Variants in PIP5K1C observed in about 807,000 individuals in gnomAD.
PIP5K1C encodes phosphatidylinositol 4-phosphate 5-kinase type-1 gamma.
PIP5K1C carries 45 observed loss-of-function variants against 80.1 expected under a neutral mutation model. The observed-to-expected ratio is 0.56, with a 90% confidence interval of 0.44 to 0.72. PIP5K1C has a LOEUF of 0.72. Ranked by LOEUF, PIP5K1C falls within the 30% of genes least tolerant of loss-of-function variation. PIP5K1C has a pLI of 0.00. For missense variants in PIP5K1C, 753 were observed against 954.6 expected, an observed-to-expected ratio of 0.79 and a Z score of 2.78; for synonymous variants, 498 against 420.1, an observed-to-expected ratio of 1.19 and a Z score of -2.27.
intron 1 of PIP5K1C, among the ~76,000 whole-genome samples, chr19:3,677,264 G>C (rs2035389334): frequency 6.6e-6 from 1 of 152,020 alleles, no homozygotes. Flanking sequence ...AAAGAGAAAG[G>C]AATGAAGACT....
intron 5 of PIP5K1C, among the ~76,000 whole-genome samples, chr19:3,656,916 T>A (rs1159833077): frequency 6.6e-6 from 1 of 152,220 alleles, no homozygotes. Flanking sequence ...CTCTGCCCCA[T>A]GAGTCATAAG....
rs1049907741 is a variant in PIP5K1C, at chr19:3,648,959, C to A, written c.1128-251G>T. 5.9e-5 allele frequency among the ~76,000 whole-genome samples: 9 copies of A among 152,162 alleles called. No homozygotes were observed. On this transcript the variant is annotated intron_variant, in intron 8 of 17. Transcript: ENST00000335312. This position sits in a 1 kb window ranked among gnomAD's most constrained non-coding sequence, Gnocchi z 4.3. ...GGCCTGGGCACATACCCCCTACACACACGTGTGCCTGGACACACACATGCA... is the reference window on the plus strand; with the variant it reads ...GGCCTGGGCACATACCCCCTACACAAACGTGTGCCTGGACACACACATGCA...
chr19:3,643,179 T>C (rs1429393689), intron 13 of PIP5K1C, 64 bp downstream of exon 13: 14 of 1,604,070 alleles, frequency 8.7e-6, no homozygotes, highest in African/African-American at 2.7e-5. Context: ...CCACATGCAG[T>C]GAATGCCCCG....
chr19:3,664,974 A>G (rs1441525221), intron 2 of PIP5K1C, 60 bp from the exon 3 acceptor site: 10 of 1,317,602 alleles, frequency 7.6e-6, no homozygotes, highest in Non-Finnish European at 1.1e-5. Context: ...GGGACAGGGC[A>G]CGCTCTGAAA....
At chr19:3,664,157 G>A (rs766102885) in intron 3 of PIP5K1C, among the ~76,000 whole-genome samples, 4 of 152,194 alleles carry the variant, frequency 2.6e-5, no homozygotes, top group African/African-American at 4.8e-5. Context: ...TCTATGACAC[G>A]TCCAGGACAG....
Position 3,633,034 on chromosome 19 carries a change from G to T in PIP5K1C, c.*133C>A. ...GGCCCGGCCGTCGGCATCCGTGCAGGGGGAGGACGAGGTCCGGTGGGGCGG... is the reference window on the plus strand; with the variant it reads ...GGCCCGGCCGTCGGCATCCGTGCAGTGGGAGGACGAGGTCCGGTGGGGCGG... On this transcript the variant is annotated 3_prime_UTR_variant, in exon 18 of 18. Coordinates refer to ENST00000335312, the MANE Select transcript of PIP5K1C (RefSeq NM_012398.3). 4.6e-6 allele frequency: 3 copies of T among 646,612 alleles called. No homozygotes were observed. The highest frequency in any genetic ancestry group is 5.7e-6 in the Non-Finnish European group (2 of 350,402). The allele number at this position is 646,612 out of a possible 1,614,324, so 40.1% of individuals were successfully genotyped here.
At chr19:3,687,523 A>G (rs574090667) in intron 1 of PIP5K1C, among the ~76,000 whole-genome samples, 33 of 132,496 alleles carry the variant, frequency 2.5e-4, no homozygotes, top group African/African-American at 9.6e-4. Context: ...ACATGCACAC[A>G]TGCACACGCA....
Position 3,637,896 on chromosome 19 carries a change from A to T in PIP5K1C, c.1920+988T>A. 1 of 1,535,238 alleles carries T rather than the reference A, an allele frequency of 6.5e-7. No individual in the cohort carries two copies. Among genetic ancestry groups the T allele is most frequent in the Non-Finnish European group, 8.7e-7 (1 of 1,146,648 alleles). On this transcript the variant is annotated intron_variant, in intron 16 of 17. Transcript: ENST00000335312. This position sits in a 1 kb window ranked among gnomAD's most constrained non-coding sequence, Gnocchi z 7.0. The stretch of plus-strand genomic sequence containing the variant: ...CATCCGGAGACCAGGACGCGCACAA[A>T]CCAGTCCCAGGAAAAGGGGTGACGA...
chr19:3,679,655 A>G (rs2035525724), intron 1 of PIP5K1C, among the ~76,000 whole-genome samples: 1 of 152,020 alleles, frequency 6.6e-6, no homozygotes, highest in Non-Finnish European at 1.5e-5. Flanking sequence ...TCAGCTGTGG[A>G]GGGGGAGCAC....
intron 1 of PIP5K1C, among the ~76,000 whole-genome samples, chr19:3,697,469 G>A (rs746265604): frequency 1.4e-4 from 22 of 152,048 alleles, no homozygotes; most frequent in African/African-American, 4.8e-4. Flanking sequence ...GACCGAGGAG[G>A]ACCGAGCTGG....
At chr19:3,693,014 T>A (rs2035991611) in intron 1 of PIP5K1C, among the ~76,000 whole-genome samples, 1 of 151,852 alleles carries the variant, frequency 6.6e-6, no homozygotes, top group Admixed American at 6.6e-5. Flanking sequence ...CTCTCTCCCC[T>A]CCTCTGCTCG....
intron 6 of PIP5K1C, among the ~76,000 whole-genome samples, chr19:3,654,372 G>A (rs923728644): frequency 8.5e-5 from 13 of 152,220 alleles, no homozygotes; most frequent in East Asian, 1.9e-4. Context: ...CCCAGGTGTC[G>A]GGGCTGAGAC....
At chr19:3,687,506 T>TGCACACGCACACACAC (rs1373436402) in intron 1 of PIP5K1C, among the ~76,000 whole-genome samples, 3 of 149,744 alleles carry the variant, frequency 2.0e-5, no homozygotes, top group Non-Finnish European at 3.0e-5. Flanking sequence ...CACGCACACA[T>TGCACACGCACACACAC]GCACATACAT....
At chr19:3,647,471 C>G in intron 9 of PIP5K1C, 85 bp from the exon 10 acceptor site, 1 of 1,166,008 alleles carries the variant, frequency 8.6e-7, no homozygotes, top group South Asian at 1.3e-5. Context: ...GTGCACCCCC[C>G]AGGACACTGG....
intron 1 of PIP5K1C, among the ~76,000 whole-genome samples, chr19:3,669,477 C>T (rs936811514): frequency 6.6e-6 from 1 of 152,212 alleles, no homozygotes; most frequent in East Asian, 1.9e-4. Flanking sequence ...GGGGACCCGG[C>T]TGGGTGTGGA....
rs1011565215 is a variant in PIP5K1C at position 3,653,737 on chromosome 19, T to C, written c.622-148A>G. On this transcript the variant is annotated intron_variant, in intron 6 of 17. Coordinates refer to ENST00000335312, the MANE Select transcript of PIP5K1C (RefSeq NM_012398.3). ...GAAGCCCTCGGGGACCCCGTTCCTA[T>C]GCAGGCACCCAGCTGGCCTTCCCAC... The C allele has an allele frequency of 8.5e-6, 6 of 703,422 alleles. No homozygotes were observed. In the Admixed American group the frequency reaches 1.2e-4, roughly 14 times the overall value. The allele number at this position is 703,422 out of a possible 1,614,324, so 43.6% of individuals were successfully genotyped here.
In PIP5K1C at chr19:3,680,430, G is replaced by A. The variant is rs371833451; in HGVS notation, c.95-13077C>T. On this transcript the variant is annotated intron_variant, in intron 1 of 17. Coordinates refer to ENST00000335312, the MANE Select transcript of PIP5K1C (RefSeq NM_012398.3). The stretch of plus-strand genomic sequence containing the variant: ...TACGATTCTCCCGTCTCAGCCTCCC[G>A]AGTAGCTGGGATTAAAGGGATCCGC... 7.3e-4 allele frequency among the ~76,000 whole-genome samples: 111 copies of A among 152,148 alleles called. 2 individuals carry two copies. Among genetic ancestry groups the A allele is most frequent in the African/African-American group, 2.3e-3 (95 of 41,504 alleles).
rs2033825396 is a variant in PIP5K1C, at chr19:3,638,892, T to A, written c.1912A>T (p.Ile638Phe). Residue 638 changes from isoleucine (I) to phenylalanine (F), a missense_variant, in exon 16 of 18, where the codon ATC becomes TTC. By Grantham distance (21) the Ile-to-Phe change is conservative. Coordinates refer to ENST00000335312, the MANE Select transcript of PIP5K1C (RefSeq NM_012398.3). ...GAGCCCGGGGCACTTACAAAGTAGA[T>A]GTCGGTGGCGGGCGCGTCCTCCTCG... ...SDEEDAPATD[I>F]YFPTDERSWV... 6.2e-7 allele frequency: 1 copy of A among 1,613,076 alleles called. No homozygotes were observed. The highest frequency in any genetic ancestry group is 8.5e-7 in the Non-Finnish European group (1 of 1,179,918).
At chr19:3,650,227 C>T (rs986692606) in intron 8 of PIP5K1C, among the ~76,000 whole-genome samples, 7 of 152,392 alleles carry the variant, frequency 4.6e-5, no homozygotes, top group African/African-American at 1.7e-4. Flanking sequence ...CCAGGTGGAA[C>T]TTGGCTCCAC....
Sources: gnomAD v4.1 joint callset for allele counts (sites outside exome capture counted in the v4.1 genomes callset) on GRCh38, gnomAD v4.1.1 for gene constraint, Gnocchi (gnomAD v3.1) non-coding constraint, MANE v1.5 for transcripts, NCBI Gene and HGNC (gene_info 2026-07-23, HGNC 2026-07-21) for gene names.